The following DNASE2B variants were observed in gnomAD, a reference collection of about 807,000 sequenced individuals.
The protein encoded by DNASE2B is deoxyribonuclease 2 beta.
In DNASE2B, 43 loss-of-function variants were observed where a neutral mutation model predicts 46.0. The observed-to-expected ratio is 0.94, with a 90% CI of 0.73 to 1.21. The LOEUF (loss-of-function observed/expected upper bound fraction) is 1.21, where lower values mean the gene tolerates loss of function less well. DNASE2B is among the 50% of genes most tolerant of loss of function. The pLI is 0.00. For synonymous variants in DNASE2B, 156 were observed against 152.5 expected (o/e 1.02, Z -0.17); for missense variants, 395 against 414.4 (o/e 0.95, Z 0.41).
intron 3 of DNASE2B, 65 bp downstream of exon 3, chr1:84,408,583 T>C: frequency 7.1e-7 from 1 of 1,406,250 alleles, no homozygotes; most frequent in Non-Finnish European, 9.8e-7. Flanking sequence ...ATATTTCATC[T>C]TGAGTATCCT....
chr1:84,405,700 G>A (rs1680482521), intron 2 of DNASE2B, among the ~76,000 whole-genome samples: 1 of 152,202 alleles, frequency 6.6e-6, no homozygotes, highest in African/African-American at 2.4e-5. Flanking sequence ...TGCTCACGTG[G>A]AGGTTGTTAG....
Position 84,398,637 on chromosome 1 carries a change from C to A in DNASE2B, c.73C>A (p.Leu25Met). Residue 25 changes from leucine (L) to methionine (M), a missense_variant, in exon 1 of 6, where the codon CTG becomes ATG. Coordinates refer to ENST00000370665, the MANE Select transcript of DNASE2B (RefSeq NM_021233.3). ...ALLFLGLFGV[L>M]GAATISCRNE... ...GCTCTTCCTTGGCCTCTTTGGGGTG[C>A]TGGGGGCAGCAACAATTTCATGCAG... The A allele has an allele frequency of 6.2e-7, 1 of 1,613,802 alleles. No homozygotes were observed. The highest frequency in any genetic ancestry group is 8.5e-7 in the Non-Finnish European group (1 of 1,179,788).
chr1:84,404,063 T>G (rs568742961), intron 2 of DNASE2B, among the ~76,000 whole-genome samples: 1 of 150,850 alleles, frequency 6.6e-6, no homozygotes, highest in South Asian at 2.1e-4. Context: ...CATATTGGCC[T>G]CTGAAGTGCT....
intron 2 of DNASE2B, among the ~76,000 whole-genome samples, chr1:84,405,805 T>C (rs1373264427): frequency 6.6e-6 from 1 of 152,204 alleles, no homozygotes; most frequent in East Asian, 1.9e-4. Flanking sequence ...AGTACAGTAT[T>C]ACTACAGTTA....
chr1:84,410,808 A>T, intron 3 of DNASE2B, 30 bp from the exon 4 acceptor site: 1 of 1,594,412 alleles, frequency 6.3e-7, no homozygotes, highest in Non-Finnish European at 8.5e-7. Flanking sequence ...TGTTTTTCTG[A>T]TTTATCTTTG....
intron 3 of DNASE2B, 70 bp from the exon 4 acceptor site, chr1:84,410,768 C>T (rs1231391757): frequency 4.8e-6 from 7 of 1,466,510 alleles, no homozygotes; most frequent in Non-Finnish European, 6.5e-6. Flanking sequence ...TTAAATGTTG[C>T]CACTGTGAAC....
rs897703055 is a variant in DNASE2B at position 84,398,505 on chromosome 1, C to T, written c.-60C>T. 47 of 1,597,786 alleles carry T rather than the reference C, an allele frequency of 2.9e-5. No homozygotes were observed. In the East Asian group the frequency reaches 7.2e-4, roughly 24 times the overall value. On this transcript the variant is annotated 5_prime_UTR_variant, in exon 1 of 6. Transcript: ENST00000370665. Reference sequence around the variant, plus strand: ...CGTCAGAGCCAGCACAGCCTGAGAGCGCCTTGAAACTCAGACTCCACAATC... The same window carrying T: ...CGTCAGAGCCAGCACAGCCTGAGAGTGCCTTGAAACTCAGACTCCACAATC...
intron 1 of DNASE2B, among the ~76,000 whole-genome samples, chr1:84,401,321 T>A (rs1473599185): frequency 6.6e-6 from 1 of 152,184 alleles, no homozygotes. Flanking sequence ...AATCCAATAA[T>A]GCCTTAATGC....
At chr1:84,408,630 T>C (rs1416256886) in intron 3 of DNASE2B, 112 bp downstream of exon 3, 3 of 804,916 alleles carry the variant, frequency 3.7e-6, no homozygotes, top group Admixed American at 7.7e-5. Context: ...TTCTTCTTAA[T>C]AGTTTATTTG....
chr1:84,403,790 T>C (rs1410409464), intron 2 of DNASE2B, among the ~76,000 whole-genome samples: 1 of 152,026 alleles, frequency 6.6e-6, no homozygotes, highest in Middle Eastern at 3.4e-3. Flanking sequence ...AAGCAATCTT[T>C]ATATTTTTTT....
At chr1:84,406,013 GTA>G (rs1680486189) in intron 2 of DNASE2B, among the ~76,000 whole-genome samples, 1 of 151,626 alleles carries the variant, frequency 6.6e-6, no homozygotes, top group African/African-American at 2.4e-5. Flanking sequence ...CATTCATAAT[GTA>G]TCTAACTTTT....
chr1:84,411,025 A>G, intron 4 of DNASE2B, 26 bp downstream of exon 4: 11 of 1,539,006 alleles, frequency 7.1e-6, no homozygotes, highest in Non-Finnish European at 9.6e-6. Flanking sequence ...GTGAGAAAAA[A>G]AACGATAACT....
intron 5 of DNASE2B, among the ~76,000 whole-genome samples, chr1:84,414,066 C>T (rs1680648046): frequency 6.6e-6 from 1 of 152,148 alleles, no homozygotes; most frequent in Non-Finnish European, 1.5e-5. Context: ...CCAATTCATC[C>T]TGCCCATTGC....
At chr1:84,399,303 G>A (rs1255896942) in intron 1 of DNASE2B, among the ~76,000 whole-genome samples, 1 of 152,206 alleles carries the variant, frequency 6.6e-6, no homozygotes, top group Admixed American at 6.5e-5. Flanking sequence ...CTTTAATTGG[G>A]ATATTTAGGT....
rs1437244270 is a variant in DNASE2B, at chr1:84,401,902, T to C, written c.127T>C (p.Phe43Leu). The change falls in exon 2 of 6, where the codon TTT becomes CTT. Residue 43 changes from phenylalanine to leucine, a missense_variant and splice_region_variant. Transcript: ENST00000370665. Reference sequence around the variant, plus strand: ...ATTCATAATCATTTTGTCTGTTAGGTTTACTTTTTATAAGTTACCTAAAAG... The same window carrying C: ...ATTCATAATCATTTTGTCTGTTAGGCTTACTTTTTATAAGTTACCTAAAAG... The part of the protein sequence containing the change: ...RNEEGKAVDW[F>L]TFYKLPKRQN... The C allele has an allele frequency of 6.7e-7, 1 of 1,500,400 alleles. No individual in the cohort carries two copies. The highest frequency in any genetic ancestry group is 8.8e-7 in the Non-Finnish European group (1 of 1,130,030). The allele number at this position is 1,500,400 out of a possible 1,614,324, so 92.9% of individuals were successfully genotyped here.
chr1:84,401,907 T>C lies in DNASE2B; in HGVS notation c.132T>C (p.Thr44=), dbSNP rs1157596715. The C allele has an allele frequency of 6.6e-7, 1 of 1,506,162 alleles. No individual in the cohort carries two copies. The highest frequency in any genetic ancestry group is 1.4e-5 in the African/African-American group (1 of 70,080). 93.3% of individuals were successfully genotyped at this position (1,506,162 alleles called of 1,614,324 possible). The stretch of plus-strand genomic sequence containing the variant: ...TAATCATTTTGTCTGTTAGGTTTAC[T>C]TTTTATAAGTTACCTAAAAGACAAA... ...NEEGKAVDWF[T]FYKLPKRQNK... The change falls in exon 2 of 6, where the codon ACT becomes ACC. Residue 44 remains threonine, a synonymous_variant. Transcript: ENST00000370665.
chr1:84,407,720 A>G (rs1441973522), intron 2 of DNASE2B, among the ~76,000 whole-genome samples: 1 of 152,184 alleles, frequency 6.6e-6, no homozygotes, highest in East Asian at 1.9e-4. Flanking sequence ...AATAGATACT[A>G]TCGAAATAAT....
rs1680348050 is a variant in DNASE2B at position 84,398,681 on chromosome 1, T to C, written c.117T>C (p.Ala39=). Residue 39 remains alanine, a synonymous_variant, in exon 1 of 6, where the codon GCT becomes GCC. Coordinates refer to ENST00000370665, the MANE Select transcript of DNASE2B (RefSeq NM_021233.3). ...CATGCAGAAATGAAGAAGGGAAAGC[T>C]GTGGACTGGTAGGTAAATGAAATGG... ...TISCRNEEGK[A]VDWFTFYKLP... is the part of the protein sequence containing the mutation. The C allele has an allele frequency of 6.2e-7, 1 of 1,613,828 alleles. No individual in the cohort carries two copies.
chr1:84,408,280 C>A (rs1346936010), intron 2 of DNASE2B, 157 bp from the exon 3 acceptor site: 2 of 1,192,634 alleles, frequency 1.7e-6, no homozygotes, highest in African/African-American at 1.6e-5. Flanking sequence ...ATGTCACAGG[C>A]TTCATATTGA....
Sources: allele counts gnomAD v4.1 joint callset (sites outside exome capture counted in the v4.1 genomes callset), GRCh38; gene constraint gnomAD v4.1.1; transcripts MANE v1.5; gene names NCBI Gene and HGNC (gene_info 2026-07-23, HGNC 2026-07-21).